The following MICAL2 variants were observed in gnomAD, a reference collection of about 807,000 sequenced individuals.
MICAL2 encodes microtubule associated monooxygenase, calponin and LIM domain containing 2.
Under a neutral mutation model 127.3 loss-of-function variants are expected in MICAL2, and 77 were observed. The ratio of observed to expected loss-of-function variants is 0.60; its 90% confidence interval spans 0.50 to 0.73. MICAL2 has a LOEUF of 0.73. MICAL2 is among the 30% of genes least tolerant of loss of function. The pLI is 0.00. For missense variants in MICAL2, 1,351 were observed against 1,434.4 expected (o/e 0.94, Z 0.94); for synonymous variants, 570 against 551.1 (o/e 1.03, Z -0.48).
intron 21 of MICAL2, among the ~76,000 whole-genome samples, chr11:12,246,027 T>C (rs1860694651): frequency 6.6e-6 from 1 of 152,244 alleles, no homozygotes; most frequent in South Asian, 2.1e-4. Flanking sequence ...CAAAGCCTTC[T>C]CTTGTCCCTG....
chr11:12,119,655 G>A (rs570622517), intron 1 of MICAL2, among the ~76,000 whole-genome samples: 2 of 152,274 alleles, frequency 1.3e-5, no homozygotes, highest in East Asian at 1.9e-4. Context: ...GGCCGCCTGC[G>A]GATTGGCTGG....
downstream of MICAL2, among the ~76,000 whole-genome samples, chr11:12,361,734 T>C (rs1939208392): frequency 1.3e-5 from 2 of 152,158 alleles, no homozygotes; most frequent in Admixed American, 6.5e-5. Context: ...TGGAGGCAAA[T>C]GACAATTCAG....
chr11:12,200,506 C>G (rs1228951045), intron 3 of MICAL2, among the ~76,000 whole-genome samples: 1 of 152,198 alleles, frequency 6.6e-6, no homozygotes, highest in Non-Finnish European at 1.5e-5. Context: ...ACACCGAGTT[C>G]CCATATTAAT....
chr11:12,124,610 G>C (rs1850765704), intron 1 of MICAL2, among the ~76,000 whole-genome samples: 2 of 152,108 alleles, frequency 1.3e-5, no homozygotes, highest in Admixed American at 1.3e-4. Context: ...CACTTTCCCG[G>C]GCTAGGGGAC....
intron 34 of MICAL2, among the ~76,000 whole-genome samples, chr11:12,355,062 C>A (rs1939110233): frequency 6.6e-6 from 1 of 152,220 alleles, no homozygotes. Flanking sequence ...TGCTTTCCCC[C>A]ATCCCAAGTG....
intron 1 of MICAL2, among the ~76,000 whole-genome samples, chr11:12,112,793 T>C (rs1053921557): frequency 6.6e-6 from 1 of 152,092 alleles, no homozygotes; most frequent in Non-Finnish European, 1.5e-5. Flanking sequence ...CATTATACTT[T>C]AGTATAAATC....
At chr11:12,325,673 C>T (rs1829222364) in intron 31 of MICAL2, among the ~76,000 whole-genome samples, 1 of 152,126 alleles carries the variant, frequency 6.6e-6, no homozygotes, top group Non-Finnish European at 1.5e-5. Context: ...GTGTCTTTTC[C>T]TCTTATAAGG....
chr11:12,260,777 C>T, intron 26 of MICAL2: 1 of 985,422 alleles, frequency 1.0e-6, no homozygotes, highest in Non-Finnish European at 1.2e-6. Context: ...TTATCTGTCC[C>T]CCTGGGAGGA....
Position 12,249,174 on chromosome 11 carries a change from C to G in MICAL2, c.2785-10C>G. The G allele has an allele frequency of 6.2e-7, 1 of 1,613,764 alleles. No individual in the cohort carries two copies. The highest frequency in any genetic ancestry group is 8.5e-7 in the Non-Finnish European group (1 of 1,179,814). On this transcript the variant is annotated splice_polypyrimidine_tract_variant and intron_variant, in intron 21 of 27. Transcript: ENST00000683283. ...ACCTAAAATGCATGTTGATCCCTCT[C>G]TTTCTAAAGGAAAAGAAGTCACCTT... is the stretch of plus-strand genomic sequence containing the variant.
rs1428771252 is a variant in MICAL2 at position 12,311,771 on chromosome 11, GA to G, written c.5213-7924del. The stretch of plus-strand genomic sequence containing the variant: ...TTACGCTAGTCTCATAACACAACTT[GA>G]GAGTGTCCTTTTTCTGTTCTCTGGA... On this transcript the variant is annotated intron_variant, in intron 29 of 34. Transcript: ENST00000646065. Among the ~76,000 whole-genome samples the G allele has an allele frequency of 7.9e-5, 12 of 152,304 alleles. No individual in the cohort carries two copies. In the East Asian group the frequency reaches 2.3e-3, roughly 29 times the overall value.
downstream of MICAL2, among the ~76,000 whole-genome samples, chr11:12,289,414 G>A (rs1296363260): frequency 6.6e-6 from 1 of 152,220 alleles, no homozygotes; most frequent in Non-Finnish European, 1.5e-5. Context: ...AGAGTGTGCA[G>A]CCCCCTCTGG....
intron 2 of MICAL2, among the ~76,000 whole-genome samples, chr11:12,285,837 G>A (rs555591105): frequency 5.3e-5 from 8 of 152,302 alleles, no homozygotes; most frequent in South Asian, 2.1e-4. Context: ...TGGATTTAGG[G>A]TCCTGGATTC....
Position 12,350,928 on chromosome 11 carries a change from C to T in MICAL2, c.5615+991C>T, listed in dbSNP as rs73424843. On this transcript the variant is annotated intron_variant, in intron 33 of 34. Transcript: ENST00000646065. ...AAACACAAGGAAGGACCTGTCCTTG[C>T]CCTTTCCACTTTTTCTGGCTCCAGG... Among the ~76,000 whole-genome samples the T allele has an allele frequency of 4.0e-3, 610 of 152,182 alleles. 3 individuals carry two copies. The highest frequency in any genetic ancestry group is 0.013 in the African/African-American group (544 of 41,528).
chr11:12,185,436 A>G (rs959995506), intron 3 of MICAL2, among the ~76,000 whole-genome samples: 5 of 152,092 alleles, frequency 3.3e-5, no homozygotes, highest in Non-Finnish European at 7.3e-5. Context: ...CTCTCCTTAT[A>G]TCCTTTCATC....
chr11:12,306,389 T>C (rs915464180), intron 29 of MICAL2, among the ~76,000 whole-genome samples: 2 of 152,198 alleles, frequency 1.3e-5, no homozygotes, highest in Non-Finnish European at 2.9e-5. Context: ...GTCGGTTCTG[T>C]GATTGACTAT....
At chr11:12,134,239 C>A (rs1296389631) in intron 1 of MICAL2, among the ~76,000 whole-genome samples, 1 of 152,224 alleles carries the variant, frequency 6.6e-6, no homozygotes, top group Non-Finnish European at 1.5e-5. Context: ...CTTCCCTTAT[C>A]CATGCTCCCC....
At chr11:12,165,199 G>A (rs544850162) in intron 3 of MICAL2, among the ~76,000 whole-genome samples, 5 of 151,860 alleles carry the variant, frequency 3.3e-5, no homozygotes, top group Non-Finnish European at 7.4e-5. Context: ...ACAAAAAATG[G>A]GTGTCATCTA....
chr11:12,201,997 C>G (rs577997902), intron 3 of MICAL2, among the ~76,000 whole-genome samples: 6 of 152,166 alleles, frequency 3.9e-5, no homozygotes, highest in Non-Finnish European at 8.8e-5. Flanking sequence ...TGGCACATGC[C>G]TGTAATCCCA....
chr11:12,330,315 G>A (rs566899652), intron 32 of MICAL2, among the ~76,000 whole-genome samples: 4 of 152,222 alleles, frequency 2.6e-5, no homozygotes, highest in South Asian at 4.1e-4. Context: ...GTGCTGCTCC[G>A]GTTCAAGTGA....
Sources: gnomAD v4.1 joint callset for allele counts (sites outside exome capture counted in the v4.1 genomes callset) on GRCh38, gnomAD v4.1.1 for gene constraint, MANE v1.5 for transcripts, NCBI Gene and HGNC (gene_info 2026-07-23, HGNC 2026-07-21) for gene names.